APBB1IP: variants seen among roughly 807,000 people sequenced by gnomAD.
APBB1IP encodes amyloid beta precursor protein binding family B member 1 interacting protein, also known as amyloid beta A4 precursor protein-binding family B member 1-interacting protein.
A neutral mutation model predicts 64.9 loss-of-function variants in APBB1IP; 27 were observed. The observed-to-expected ratio is 0.42, with a 90% CI of 0.31 to 0.57. APBB1IP has a LOEUF of 0.57. APBB1IP is among the 20% of genes least tolerant of loss of function. The pLI is 0.20. For synonymous variants in APBB1IP, 392 were observed against 331.0 expected (o/e 1.18, Z -2.00); for missense variants, 812 against 845.5 (o/e 0.96, Z 0.49).
At chr10:26,486,384 G>T (rs920045722) in intron 2 of APBB1IP, among the ~76,000 whole-genome samples, 3 of 152,160 alleles carry the variant, frequency 2.0e-5, no homozygotes, top group Non-Finnish European at 2.9e-5. Flanking sequence ...AAAGCCAACA[G>T]ATTCCTCGAC....
At chr10:26,561,876 T>A (rs1038786214) in intron 13 of APBB1IP, 7 of 154,814 alleles carry the variant, frequency 4.5e-5, no homozygotes, top group African/African-American at 1.7e-4. Flanking sequence ...GAAGAGTTGT[T>A]CCTGTACCTG....
At chr10:26,557,975 C>T (rs1187227555) in intron 11 of APBB1IP, among the ~76,000 whole-genome samples, 1 of 152,132 alleles carries the variant, frequency 6.6e-6, no homozygotes, top group East Asian at 1.9e-4. Context: ...GACAGCTTCC[C>T]TCCTTTCCTG....
chr10:26,532,943 G>A (rs945093323), intron 8 of APBB1IP, among the ~76,000 whole-genome samples: 3 of 152,180 alleles, frequency 2.0e-5, no homozygotes, highest in South Asian at 2.1e-4. Context: ...AAAAGAGGCC[G>A]CTAACATTTG....
intron 11 of APBB1IP, among the ~76,000 whole-genome samples, chr10:26,556,897 G>T (rs1236194903): frequency 6.6e-6 from 1 of 152,206 alleles, no homozygotes; most frequent in Non-Finnish European, 1.5e-5. Flanking sequence ...CACAAATGCT[G>T]TTTGTAGGTC....
At chr10:26,530,175 A>G (rs554358316) in intron 8 of APBB1IP, among the ~76,000 whole-genome samples, 2 of 151,492 alleles carry the variant, frequency 1.3e-5, no homozygotes, top group East Asian at 3.9e-4. Flanking sequence ...AAGTACATTC[A>G]CATTGCTGTG....
intron 3 of APBB1IP, among the ~76,000 whole-genome samples, chr10:26,495,332 T>G (rs1836007667): frequency 2.0e-5 from 3 of 150,348 alleles, no homozygotes; most frequent in Non-Finnish European, 4.5e-5. Context: ...CTGTGTTTTC[T>G]CCTCCTATGG....
chr10:26,479,903 TG>T (rs1835815795), intron 2 of APBB1IP, among the ~76,000 whole-genome samples: 1 of 152,236 alleles, frequency 6.6e-6, no homozygotes, highest in African/African-American at 2.4e-5. Context: ...TTTCTAGCTC[TG>T]GCGGTACTTC....
chr10:26,517,035 A>T (rs1452653124), intron 8 of APBB1IP, among the ~76,000 whole-genome samples: 1 of 152,190 alleles, frequency 6.6e-6, no homozygotes, highest in Non-Finnish European at 1.5e-5. Context: ...TTCCCCTCCC[A>T]GAGGAATCTT....
In APBB1IP at chr10:26,529,295, C is replaced by T. The variant is rs77276960; in HGVS notation, c.814-4144C>T. ...CACACCGCAGGTGGAAGTTCCGATC[C>T]GAAAGCAATCAGTCTTATTATTCTA... On this transcript the variant is annotated intron_variant, in intron 8 of 14. Transcript: ENST00000376236. Among the ~76,000 whole-genome samples, 13 of 152,326 alleles carry T rather than the reference C, an allele frequency of 8.5e-5. No homozygotes were observed. In the East Asian group the frequency reaches 1.4e-3, roughly 16 times the overall value.
chr10:26,545,708 C>G (rs1836754283), intron 11 of APBB1IP, among the ~76,000 whole-genome samples: 2 of 151,176 alleles, frequency 1.3e-5, no homozygotes, highest in African/African-American at 2.4e-5. Context: ...TGCAGTGAGC[C>G]GAGATCGCGC....
chr10:26,471,333 G>C (rs1026320234), intron 2 of APBB1IP, among the ~76,000 whole-genome samples: 3 of 152,302 alleles, frequency 2.0e-5, no homozygotes, highest in Admixed American at 2.0e-4. Context: ...TAATTTTGGG[G>C]AGGAATCTTA....
intron 11 of APBB1IP, among the ~76,000 whole-genome samples, chr10:26,547,560 G>T (rs1237511646): frequency 3.3e-5 from 5 of 152,106 alleles, no homozygotes; most frequent in Admixed American, 2.6e-4. Flanking sequence ...TCCTGCCTCA[G>T]CCTCCCGAGT....
rs566305532 is a variant in APBB1IP, at chr10:26,478,474, T to C, written c.1-13853T>C. 3.3e-5 allele frequency among the ~76,000 whole-genome samples: 5 copies of C among 151,940 alleles called. No individual in the cohort carries two copies. The East Asian group carries it at 9.7e-4, about 30-fold the overall frequency. ...GCCAAGGCAGGTGGTTCACTTGAGGTCAGGAGTGGCGCATGCCTGTAATCC... is the reference window on the plus strand; with the variant it reads ...GCCAAGGCAGGTGGTTCACTTGAGGCCAGGAGTGGCGCATGCCTGTAATCC... On this transcript the variant is annotated intron_variant, in intron 2 of 14. Coordinates refer to ENST00000376236, the MANE Select transcript of APBB1IP (RefSeq NM_019043.4).
chr10:26,545,119 G>T (rs912859287), intron 11 of APBB1IP, among the ~76,000 whole-genome samples: 7 of 152,174 alleles, frequency 4.6e-5, no homozygotes, highest in Non-Finnish European at 1.5e-5. Context: ...AAAATATTGA[G>T]AATTCTTATT....
At chr10:26,440,174 T>C (rs1835324608) in intron 2 of APBB1IP, among the ~76,000 whole-genome samples, 1 of 152,238 alleles carries the variant, frequency 6.6e-6, no homozygotes, top group South Asian at 2.1e-4. Context: ...ACCTGGGTTC[T>C]GGCTCTTATA....
chr10:26,478,146 T>G (rs1835796476), intron 2 of APBB1IP, among the ~76,000 whole-genome samples: 1 of 152,062 alleles, frequency 6.6e-6, no homozygotes, highest in Non-Finnish European at 1.5e-5. Flanking sequence ...TTGAAATAGG[T>G]CAGGGCTCAG....
In APBB1IP at chr10:26,567,377, C is replaced by G. The variant is rs1194926998; in HGVS notation, c.1890C>G (p.Pro630=). Residue 630 remains proline, a synonymous_variant, in exon 15 of 15, where the codon CCC becomes CCG. Coordinates refer to ENST00000376236, the MANE Select transcript of APBB1IP (RefSeq NM_019043.4). ...PPAVAKRPPV[P]PKRQENPGHP... ...CGGTGGCCAAGAGGCCTCCTGTGCC[C>G]CCCAAGAGGCAAGAGAACCCAGGGC... 6.3e-7 allele frequency: 1 copy of G among 1,575,526 alleles called. No individual in the cohort carries two copies. Among genetic ancestry groups the G allele is most frequent in the Non-Finnish European group, 8.6e-7 (1 of 1,156,992 alleles).
In APBB1IP at chr10:26,527,820, G is replaced by T. The variant is rs1049502559; in HGVS notation, c.814-5619G>T. 7.3e-5 allele frequency among the ~76,000 whole-genome samples: 11 copies of T among 150,662 alleles called. No individual in the cohort carries two copies. In the East Asian group the frequency reaches 2.2e-3, roughly 30 times the overall value. Reference sequence around the variant, plus strand: ...CGATTCTGCTGCCTCAGCCTCCCAAGTAGCTGAGATTACAGGCATGTGCCA... The same window carrying T: ...CGATTCTGCTGCCTCAGCCTCCCAATTAGCTGAGATTACAGGCATGTGCCA... On this transcript the variant is annotated intron_variant, in intron 8 of 14. Transcript: ENST00000376236.
intron 8 of APBB1IP, among the ~76,000 whole-genome samples, chr10:26,527,228 A>G (rs932281324): frequency 1.3e-5 from 2 of 152,100 alleles, no homozygotes; most frequent in African/African-American, 4.8e-5. Flanking sequence ...GGCGTGTGTG[A>G]TTAGTCAGTG....
Sources: gnomAD v4.1 joint callset for allele counts (sites outside exome capture counted in the v4.1 genomes callset) on GRCh38, gnomAD v4.1.1 for gene constraint, MANE v1.5 for transcripts, NCBI Gene and HGNC (gene_info 2026-07-23, HGNC 2026-07-21) for gene names.